Variants in SPRY4 observed in about 807,000 individuals in gnomAD.
SPRY4 encodes the protein protein sprouty homolog 4.
A neutral mutation model predicts 17.0 loss-of-function variants in SPRY4; 7 were observed. That is an observed-to-expected ratio of 0.41 (90% CI 0.23 to 0.77). The LOEUF (loss-of-function observed/expected upper bound fraction) is 0.77. Among genes scored for constraint, SPRY4 ranks in the 30% least tolerant of loss-of-function variants. The pLI, the probability that SPRY4 is intolerant of heterozygous loss-of-function variation, is 0.32. For synonymous variants in SPRY4, 183 were observed against 174.1 expected (o/e 1.05, Z -0.40); for missense variants, 435 against 419.9 (o/e 1.04, Z -0.31).
chr5:142,319,859 C>T, intron 1 of SPRY4: 2 of 1,472,666 alleles, frequency 1.4e-6, no homozygotes, highest in Middle Eastern at 2.3e-4. Flanking sequence ...ATCCCACCCA[C>T]CCACACCCTC....
intron 1 of SPRY4, among the ~76,000 whole-genome samples, chr5:142,320,507 C>CG (rs1310863796): frequency 6.6e-6 from 1 of 152,168 alleles, no homozygotes; most frequent in East Asian, 1.9e-4. Context: ...CCCCAGCACA[C>CG]GGAAGGGTGG....
At position 142,312,083 on chromosome 5, in the gene SPRY4, G is replaced by GAA. The variant is rs10691892; in HGVS notation, c.*2124_*2125dup. 0.82 allele frequency: 123,933 copies of GAA among 152,012 alleles called. 50,671 individuals carry two copies. Among genetic ancestry groups the GAA allele is most frequent in the East Asian group, 0.95 (4,861 of 5,132 alleles). The allele number at this position is 152,012 out of a possible 1,614,324, so 9.4% of individuals were successfully genotyped here. A position where few individuals can be genotyped will look rare whatever the true frequency, so the allele number is the denominator to read the frequency against. ...AGACAATTTGAGGGAGGGGCCCTGG[G>GAA]AAGTTCTGAGGCCTCGCAGAAAGCG... On this transcript the variant is annotated 3_prime_UTR_variant, in exon 2 of 2. Coordinates refer to ENST00000434127, the MANE Select transcript of SPRY4 (RefSeq NM_001127496.3).
chr5:142,324,117 G>A (rs1445243407), intron 1 of SPRY4: 1 of 152,338 alleles, frequency 6.6e-6, no homozygotes, highest in African/African-American at 2.4e-5. Flanking sequence ...GGTGGCCGAG[G>A]AGCCTCAGGC....
In SPRY4 at chr5:142,322,970, CAG is replaced by C. The variant is rs908097452; in HGVS notation, c.-48+1872_-48+1873del. On this transcript the variant is annotated intron_variant, in intron 1 of 1. Coordinates refer to ENST00000434127, the MANE Select transcript of SPRY4 (RefSeq NM_001127496.3). ...AGTTCTTTCCCACCCTTCTGGGAGA[CAG>C]AGAGGGAGAGAGAAAGAGAAATCTT... Among the ~76,000 whole-genome samples, 12 of 147,262 alleles carry C rather than the reference CAG, an allele frequency of 8.1e-5. No individual in the cohort carries two copies. The East Asian group carries it at 1.6e-3, about 20-fold the overall frequency.
chr5:142,316,140 TG>T lies in SPRY4; in HGVS notation c.-47-986del, dbSNP rs1759143858. ...CATCACCCATTTCCAAGTGCTGAGCTGAACATTCAGCCTAAATGCTATTTAC... is the reference window on the plus strand; with the variant it reads ...CATCACCCATTTCCAAGTGCTGAGCTAACATTCAGCCTAAATGCTATTTAC... On this transcript the variant is annotated intron_variant, in intron 1 of 1. Coordinates refer to ENST00000434127, the MANE Select transcript of SPRY4 (RefSeq NM_001127496.3). Among the ~76,000 whole-genome samples, 4 of 152,286 alleles carry T rather than the reference TG, an allele frequency of 2.6e-5. No individual in the cohort carries two copies. In the South Asian group the frequency reaches 8.3e-4, roughly 32 times the overall value.
In SPRY4 at chr5:142,313,562, G is replaced by C. The variant is rs1759005316; in HGVS notation, c.*647C>G. Reference sequence around the variant, plus strand: ...CTCCTAAATCCATCCTGTGGCTCCGGGGAGGCAGAAGGAGGAACGAGGCTT... The same window carrying C: ...CTCCTAAATCCATCCTGTGGCTCCGCGGAGGCAGAAGGAGGAACGAGGCTT... On this transcript the variant is annotated 3_prime_UTR_variant, in exon 2 of 2. Coordinates refer to ENST00000434127, the MANE Select transcript of SPRY4 (RefSeq NM_001127496.3). 1 of 152,236 alleles carries C rather than the reference G, an allele frequency of 6.6e-6. No homozygotes were observed. Among genetic ancestry groups the C allele is most frequent in the South Asian group, 2.1e-4 (1 of 4,786 alleles). The allele number at this position is 152,236 out of a possible 1,614,324, so 9.4% of individuals were successfully genotyped here.
intron 1 of SPRY4, chr5:142,324,295 G>A (rs181704170): frequency 6.6e-6 from 1 of 152,456 alleles, no homozygotes; most frequent in African/African-American, 2.4e-5. Flanking sequence ...GAGGCAGAAG[G>A]GGAGGGAATT....
chr5:142,324,616 G>A (rs1759469438), intron 1 of SPRY4, among the ~76,000 whole-genome samples: 1 of 152,206 alleles, frequency 6.6e-6, no homozygotes, highest in Non-Finnish European at 1.5e-5. Flanking sequence ...ATGCCCAGGG[G>A]TCGGAAACGG....
At chr5:142,324,805 A>C (rs13163489) in intron 1 of SPRY4, 39 bp downstream of exon 1, 42,535 of 152,856 alleles carry the variant, frequency 0.28, 7,075 homozygotes, top group East Asian at 0.67. Flanking sequence ...CGGCTCAGAG[A>C]GGGGCAGTTT....
At chr5:142,316,912 A>G in intron 1 of SPRY4, 1 of 835,574 alleles carries the variant, frequency 1.2e-6, no homozygotes, top group Non-Finnish European at 1.4e-6. Flanking sequence ...GGCCCTGCCT[A>G]CTTAAAAGGA....
intron 1 of SPRY4, among the ~76,000 whole-genome samples, chr5:142,316,374 T>G (rs746418224): frequency 6.6e-6 from 1 of 152,150 alleles, no homozygotes; most frequent in Non-Finnish European, 1.5e-5. Context: ...CTGCTGACCT[T>G]TACATTTGGA....
chr5:142,324,275 C>T (rs1345346256), intron 1 of SPRY4: 2 of 152,316 alleles, frequency 1.3e-5, no homozygotes, highest in Non-Finnish European at 2.9e-5. Flanking sequence ...CCTCGCTGAC[C>T]ATCGAGGGAG....
rs767664986 is a variant in SPRY4, at chr5:142,314,829, C to A, written c.280G>T (p.Gly94Trp). ...CTGCTGCTCACAGAGCTGGGGCGCC[C>A]GCTGAAGGAGATCCAATGGTGGGTG... ...DVTHHWISFS[G>W]RPSSVSSSSS... is the part of the protein sequence containing the mutation. Residue 94 changes from glycine (G) to tryptophan (W), a missense_variant, in exon 2 of 2, where the codon GGG becomes TGG. Transcript: ENST00000434127. This position sits in a 1 kb window ranked among gnomAD's most constrained non-coding sequence, Gnocchi z 4.8. 7 of 1,586,836 alleles carry A rather than the reference C, an allele frequency of 4.4e-6. No homozygotes were observed. Among genetic ancestry groups the A allele is most frequent in the Non-Finnish European group, 6.0e-6 (7 of 1,163,296 alleles).
chr5:142,315,153 G>C lies in SPRY4; in HGVS notation c.-45C>G, dbSNP rs1759107058. On this transcript the variant is annotated splice_region_variant and 5_prime_UTR_variant, in exon 2 of 2. Coordinates refer to ENST00000434127, the MANE Select transcript of SPRY4 (RefSeq NM_001127496.3). ...TGTACGGAGAAACAGGCTTCTAGGG[G>C]CCCTGGGGGTGGGGTGGGGAAAAGG... 2.5e-6 allele frequency: 4 copies of C among 1,575,576 alleles called. No homozygotes were observed. Among genetic ancestry groups the C allele is most frequent in the Admixed American group, 3.5e-5 (2 of 57,532 alleles).
At chr5:142,319,822 T>G in intron 1 of SPRY4, 1 of 1,596,426 alleles carries the variant, frequency 6.3e-7, no homozygotes. Flanking sequence ...GCATGTTAAA[T>G]GTCCGCACAA....
At chr5:142,317,786 C>T (rs1021634552) in intron 1 of SPRY4, 12 of 985,260 alleles carry the variant, frequency 1.2e-5, no homozygotes, top group South Asian at 9.4e-5. Context: ...TGGGAGCAGC[C>T]GCTGCAGGCA....
In SPRY4 at chr5:142,314,195, T is replaced by C; in HGVS notation, c.*14A>G. 1.9e-6 allele frequency: 3 copies of C among 1,595,294 alleles called. No homozygotes were observed. The highest frequency in any genetic ancestry group is 2.6e-6 in the Non-Finnish European group (3 of 1,172,262). On this transcript the variant is annotated 3_prime_UTR_variant, in exon 2 of 2. Transcript: ENST00000434127. This position sits in a 1 kb window ranked among gnomAD's most constrained non-coding sequence, Gnocchi z 4.8. ...AGGTTTCCAGGCAGAGCACTGGGGC[T>C]TCGACACAAACTGTCAGAAAGGCTT...
intron 1 of SPRY4, chr5:142,317,076 G>A: frequency 1.0e-6 from 1 of 985,464 alleles, no homozygotes; most frequent in South Asian, 4.7e-5. Context: ...GTGTCTGGCA[G>A]GTCTGCCACC....
Position 142,314,849 on chromosome 5 carries a change from T to G in SPRY4, c.260A>C (p.His87Pro). Residue 87 changes from histidine (H) to proline (P), a missense_variant, in exon 2 of 2, where the codon CAC becomes CCC. Transcript: ENST00000434127. This position sits in a 1 kb window ranked among gnomAD's most constrained non-coding sequence, Gnocchi z 4.8. Reference sequence around the variant, plus strand: ...GCGCCCGCTGAAGGAGATCCAATGGTGGGTGACATCCTGGTCACAGCGGGC... The same window carrying G: ...GCGCCCGCTGAAGGAGATCCAATGGGGGGTGACATCCTGGTCACAGCGGGC... ...TPARCDQDVTHHWISFSGRPS... is the reference protein window; with the variant it reads ...TPARCDQDVTPHWISFSGRPS... 1 of 1,588,910 alleles carries G rather than the reference T, an allele frequency of 6.3e-7. No homozygotes were observed. The highest frequency in any genetic ancestry group is 8.6e-7 in the Non-Finnish European group (1 of 1,164,734).
Sources: allele counts gnomAD v4.1 joint callset (sites outside exome capture counted in the v4.1 genomes callset), GRCh38; gene constraint gnomAD v4.1.1; non-coding constraint Gnocchi (gnomAD v3.1); transcripts MANE v1.5; gene names NCBI Gene and HGNC (gene_info 2026-07-23, HGNC 2026-07-21).